The following NR1H4 variants were observed in gnomAD, a reference collection of about 807,000 sequenced individuals.
NR1H4 encodes the protein nuclear receptor subfamily 1 group H member 4, also known as bile acid receptor.
Under a neutral mutation model 58.5 loss-of-function variants are expected in NR1H4, and 23 were observed. The ratio of observed to expected loss-of-function variants is 0.39; its 90% confidence interval spans 0.28 to 0.56. The LOEUF (loss-of-function observed/expected upper bound fraction) is 0.56. Ranked by LOEUF, NR1H4 falls within the 20% of genes least tolerant of loss-of-function variation. The pLI, the probability that NR1H4 is intolerant of heterozygous loss-of-function variation, is 0.58. For synonymous variants in NR1H4, 214 were observed against 198.0 expected (o/e 1.08, Z -0.68); for missense variants, 487 against 576.9 (o/e 0.84, Z 1.60).
chr12:100,518,992 T>C (rs1954341188), intron 4 of NR1H4, among the ~76,000 whole-genome samples: 1 of 151,908 alleles, frequency 6.6e-6, no homozygotes, highest in Admixed American at 6.5e-5. Flanking sequence ...TTCACCATGT[T>C]GGCTAGGGTG....
chr12:100,495,221 A>G (rs1003978638), intron 3 of NR1H4, among the ~76,000 whole-genome samples: 1 of 152,192 alleles, frequency 6.6e-6, no homozygotes, highest in Admixed American at 6.5e-5. Flanking sequence ...GTTTCTGAGA[A>G]TATATAGCAC....
At chr12:100,545,840 G>A (rs1398849862) in intron 9 of NR1H4, among the ~76,000 whole-genome samples, 1 of 151,872 alleles carries the variant, frequency 6.6e-6, no homozygotes, top group Non-Finnish European at 1.5e-5. Flanking sequence ...AAGTTAATTG[G>A]GGGAAATGCC....
chr12:100,557,269 AT>A (rs11327786), intron 9 of NR1H4, among the ~76,000 whole-genome samples: 79,426 of 151,974 alleles, frequency 0.52, 21,516 homozygotes, highest in Non-Finnish European at 0.61. Context: ...GGCATGTCAC[AT>A]GGTGAGACAG....
At chr12:100,497,893 G>T (rs1953750014) in intron 3 of NR1H4, among the ~76,000 whole-genome samples, 1 of 152,072 alleles carries the variant, frequency 6.6e-6, no homozygotes, top group Non-Finnish European at 1.5e-5. Flanking sequence ...CAAAAATTTA[G>T]AGACTAAAGA....
chr12:100,552,552 G>A (rs1955226425), intron 9 of NR1H4, among the ~76,000 whole-genome samples: 1 of 152,094 alleles, frequency 6.6e-6, no homozygotes, highest in Non-Finnish European at 1.5e-5. Flanking sequence ...ACATACTACT[G>A]CCTGATTTAA....
intron 4 of NR1H4, among the ~76,000 whole-genome samples, chr12:100,511,916 C>T (rs1954127916): frequency 1.3e-5 from 2 of 149,400 alleles, no homozygotes; most frequent in Non-Finnish European, 3.0e-5. Context: ...GAGCGAAAAT[C>T]CATCTCAAAA....
chr12:100,490,830 G>A (rs140728072), intron 1 of NR1H4, among the ~76,000 whole-genome samples: 51 of 152,156 alleles, frequency 3.4e-4, no homozygotes, highest in African/African-American at 1.2e-3. Flanking sequence ...TAGCTCTGTC[G>A]TCCAGGCTGG....
chr12:100,563,184 A>G (rs1003910548), intron 10 of NR1H4, 67 bp from the exon 11 acceptor site: 35 of 1,227,114 alleles, frequency 2.9e-5, no homozygotes, highest in Non-Finnish European at 4.2e-5. Context: ...TAACGTTGCT[A>G]TAATTATGCT....
At chr12:100,495,062 G>A (rs907995573) in intron 3 of NR1H4, among the ~76,000 whole-genome samples, 3 of 152,190 alleles carry the variant, frequency 2.0e-5, no homozygotes, top group African/African-American at 7.2e-5. Flanking sequence ...AGTAAATTCA[G>A]AAAAAGCCAC....
chr12:100,483,995 A>AG (rs1406209587), intron 1 of NR1H4, among the ~76,000 whole-genome samples: 1 of 151,902 alleles, frequency 6.6e-6, no homozygotes, highest in African/African-American at 2.4e-5. Flanking sequence ...GAAAAAAAAA[A>AG]AAAAAAAAAA....
intron 9 of NR1H4, among the ~76,000 whole-genome samples, chr12:100,552,006 C>T (rs552521817): frequency 6.6e-6 from 1 of 152,202 alleles, no homozygotes; most frequent in African/African-American, 2.4e-5. Flanking sequence ...ATACTTTTCC[C>T]AAATATTTTT....
intron 4 of NR1H4, among the ~76,000 whole-genome samples, chr12:100,523,562 AG>A (rs1954481366): frequency 6.6e-6 from 1 of 152,082 alleles, no homozygotes; most frequent in East Asian, 1.9e-4. Flanking sequence ...TAGTTTAATC[AG>A]GTCCCATTTA....
At chr12:100,550,428 G>A (rs546023139) in intron 9 of NR1H4, among the ~76,000 whole-genome samples, 2 of 152,188 alleles carry the variant, frequency 1.3e-5, no homozygotes, top group East Asian at 3.9e-4. Context: ...GCAATGGCAC[G>A]ATCTGGGCTT....
chr12:100,513,801 AAAGG>A (rs199813041), intron 4 of NR1H4, among the ~76,000 whole-genome samples: 10,188 of 115,556 alleles, frequency 0.088, 601 homozygotes, highest in African/African-American at 0.12. Context: ...TCAAAGACAG[AAAGG>A]AAGGAAGGAA....
chr12:100,550,733 C>A (rs1383953564), intron 9 of NR1H4, among the ~76,000 whole-genome samples: 1 of 152,162 alleles, frequency 6.6e-6, no homozygotes, highest in Non-Finnish European at 1.5e-5. Flanking sequence ...CTTGTTCTGT[C>A]CATTTCAAAT....
chr12:100,514,842 T>C (rs1015236625), intron 4 of NR1H4, among the ~76,000 whole-genome samples: 1 of 152,186 alleles, frequency 6.6e-6, no homozygotes, highest in African/African-American at 2.4e-5. Context: ...TTGTGTATCA[T>C]CTTTTATACA....
chr12:100,550,766 A>G (rs756789213), intron 9 of NR1H4, among the ~76,000 whole-genome samples: 82 of 152,232 alleles, frequency 5.4e-4, no homozygotes, highest in Non-Finnish European at 9.4e-4. Flanking sequence ...TGACATTTAT[A>G]GTAGTTTTGG....
chr12:100,544,253 CAA>C (rs943465011), intron 9 of NR1H4, among the ~76,000 whole-genome samples: 25 of 64,392 alleles, frequency 3.9e-4, no homozygotes, highest in Admixed American at 5.2e-4. Context: ...CTCGGTCTCA[CAA>C]AAAAAAAAAA....
At chr12:100,556,116 T>A (rs1248260411) in intron 9 of NR1H4, among the ~76,000 whole-genome samples, 1 of 152,188 alleles carries the variant, frequency 6.6e-6, no homozygotes, top group Non-Finnish European at 1.5e-5. Flanking sequence ...TTTTAAAAAA[T>A]ATTTAAACAT....
Sources: allele counts gnomAD v4.1 joint callset (sites outside exome capture counted in the v4.1 genomes callset), GRCh38; gene constraint gnomAD v4.1.1; transcripts MANE v1.5; gene names NCBI Gene and HGNC (gene_info 2026-07-23, HGNC 2026-07-21).